Variants in LRRC49 observed in about 807,000 individuals in gnomAD.
LRRC49 encodes leucine-rich repeat-containing protein 49.
Under a neutral mutation model 83.3 loss-of-function variants are expected in LRRC49, and 50 were observed. That is an observed-to-expected ratio of 0.60 (90% CI 0.48 to 0.76). The LOEUF is 0.76. Among genes scored for constraint, LRRC49 ranks in the 30% least tolerant of loss-of-function variants. LRRC49 has a pLI of 0.00. For missense variants in LRRC49, 704 were observed against 809.1 expected (o/e 0.87, Z 1.58); for synonymous variants, 286 against 283.3 (o/e 1.01, Z -0.10).
intron 11 of LRRC49, among the ~76,000 whole-genome samples, chr15:71,001,674 A>G (rs1036059765): frequency 6.6e-6 from 1 of 151,288 alleles, no homozygotes; most frequent in African/African-American, 2.4e-5. Flanking sequence ...TTTTAAACAC[A>G]TGTGCTTAGT....
chr15:71,001,730 C>G (rs981860342), intron 11 of LRRC49, among the ~76,000 whole-genome samples: 3 of 151,912 alleles, frequency 2.0e-5, no homozygotes, highest in Admixed American at 6.6e-5. Flanking sequence ...CACGCTCTGT[C>G]CCCCAGGCTG....
chr15:70,898,232 A>G lies in LRRC49; in HGVS notation c.193+2296A>G, dbSNP rs989228809. The G allele has an allele frequency of 6.6e-5, 38 of 573,524 alleles. No homozygotes were observed. In the Admixed American group the frequency reaches 1.1e-3, roughly 17 times the overall value. 35.5% of individuals were successfully genotyped at this position (573,524 alleles called of 1,614,324 possible). The stretch of plus-strand genomic sequence containing the variant: ...ACATTCTTACCAAATTTAGACCATT[A>G]TACTTCTTAACACTTTGAGATGCTA... On this transcript the variant is annotated intron_variant, in intron 3 of 15. Coordinates refer to ENST00000260382, the MANE Select transcript of LRRC49 (RefSeq NM_017691.5).
intron 9 of LRRC49, among the ~76,000 whole-genome samples, chr15:70,968,667 T>G (rs967111395): frequency 3.3e-5 from 5 of 152,178 alleles, no homozygotes; most frequent in African/African-American, 1.2e-4. Flanking sequence ...TTTTGAATGA[T>G]CACCATTCTA....
chr15:71,049,501 G>A lies in LRRC49; in HGVS notation c.1950G>A (p.Gln650=). 1.2e-6 allele frequency: 2 copies of A among 1,613,784 alleles called. No homozygotes were observed. The highest frequency in any genetic ancestry group is 1.7e-6 in the Non-Finnish European group (2 of 1,179,702). The part of the protein sequence containing the change: ...TEINMKNEAL[Q]KLWPQMFIEL... ...TCAACATGAAAAATGAGGCTTTGCA[G>A]AAGCTTTGGCCACAGATGTTCATTG... Residue 650 remains glutamine (Q), a synonymous_variant, in exon 16 of 16, where the codon CAG becomes CAA. Transcript: ENST00000260382.
intron 4 of LRRC49, among the ~76,000 whole-genome samples, chr15:70,903,912 T>C (rs1401078907): frequency 6.6e-6 from 1 of 152,216 alleles, no homozygotes; most frequent in Non-Finnish European, 1.5e-5. Context: ...TGTAGCACTC[T>C]AAATGTTCTG....
chr15:70,892,713 C>T, upstream of LRRC49: 2 of 1,473,976 alleles, frequency 1.4e-6, no homozygotes, highest in South Asian at 2.8e-5. Flanking sequence ...ACGAATACAA[C>T]TAGAAGCTGC....
chr15:70,957,124 C>T (rs2036430104), intron 8 of LRRC49, among the ~76,000 whole-genome samples: 1 of 152,160 alleles, frequency 6.6e-6, no homozygotes, highest in Non-Finnish European at 1.5e-5. Flanking sequence ...TGTGACACCA[C>T]CCATTCTTAG....
chr15:70,892,169 C>T (rs560972205), upstream of LRRC49: 4 of 1,611,928 alleles, frequency 2.5e-6, no homozygotes, highest in South Asian at 4.4e-5. Context: ...CCGCACGAAG[C>T]GGTCCCAGAG....
At chr15:70,945,414 C>T (rs1479237668) in intron 8 of LRRC49, among the ~76,000 whole-genome samples, 1 of 152,048 alleles carries the variant, frequency 6.6e-6, no homozygotes, top group African/African-American at 2.4e-5. Context: ...ACCAGATTTT[C>T]AAATTGTCAT....
intron 15 of LRRC49, among the ~76,000 whole-genome samples, chr15:71,045,874 T>C (rs933341051): frequency 2.0e-5 from 3 of 152,108 alleles, no homozygotes; most frequent in African/African-American, 7.2e-5. Flanking sequence ...GTTGTTCCCA[T>C]ATTTATGTTG....
intron 11 of LRRC49, among the ~76,000 whole-genome samples, chr15:71,004,055 T>C (rs1363833338): frequency 2.0e-5 from 3 of 152,242 alleles, no homozygotes; most frequent in Admixed American, 2.0e-4. Flanking sequence ...GATCCATGCA[T>C]GATACTTTGG....
intron 8 of LRRC49, among the ~76,000 whole-genome samples, chr15:70,951,990 T>C (rs993522062): frequency 1.2e-4 from 18 of 152,182 alleles, no homozygotes; most frequent in Non-Finnish European, 2.2e-4. Flanking sequence ...ATGAATTTTT[T>C]TGAAGGCCTT....
intron 2 of LRRC49, among the ~76,000 whole-genome samples, chr15:70,883,089 G>T (rs951393516): frequency 6.6e-6 from 1 of 151,968 alleles, no homozygotes; most frequent in South Asian, 2.1e-4. Flanking sequence ...CTGCCATATT[G>T]TCTTTTTTCC....
intron 8 of LRRC49, among the ~76,000 whole-genome samples, chr15:70,956,576 G>A (rs2141187392): frequency 6.7e-6 from 1 of 148,996 alleles, no homozygotes; most frequent in Non-Finnish European, 1.5e-5. Flanking sequence ...TATACTTACT[G>A]TTTTATTTCC....
intron 11 of LRRC49, among the ~76,000 whole-genome samples, chr15:71,007,453 T>C (rs895354545): frequency 6.6e-6 from 1 of 151,780 alleles, no homozygotes; most frequent in Non-Finnish European, 1.5e-5. Context: ...GAGACACTAA[T>C]TTTAGTAGGG....
chr15:70,904,585 G>A lies in LRRC49; in HGVS notation c.330G>A (p.Gly110=). Residue 110 remains glycine (G), a synonymous_variant, in exon 5 of 16, where the codon GGG becomes GGA. Transcript: ENST00000260382. ...QKLTVCPIIN[G]EDHLRLLNFQ... is the part of the protein sequence containing the mutation. ...TGACCGTATGTCCTATCATCAATGG[G>A]GAAGACCACCTTCGTTTGTTGAACT... The A allele has an allele frequency of 6.2e-7, 1 of 1,613,444 alleles. No individual in the cohort carries two copies. Among genetic ancestry groups the A allele is most frequent in the East Asian group, 2.2e-5 (1 of 44,842 alleles).
chr15:70,928,175 T>A (rs185075986), intron 7 of LRRC49, among the ~76,000 whole-genome samples: 1 of 152,316 alleles, frequency 6.6e-6, no homozygotes, highest in African/African-American at 2.4e-5. Context: ...ATATACCAGA[T>A]CCAGTCACAT....
intron 9 of LRRC49, among the ~76,000 whole-genome samples, chr15:70,971,569 G>GT (rs2037000774): frequency 6.6e-6 from 1 of 152,120 alleles, no homozygotes; most frequent in Non-Finnish European, 1.5e-5. Context: ...ACAGTGGGGT[G>GT]TTAAAATCTC....
rs190339170 is a variant in LRRC49, at chr15:70,873,009, C to T, written c.-197C>T. 1.9e-4 allele frequency: 111 copies of T among 580,158 alleles called. 1 individual carries two copies. Among genetic ancestry groups the T allele is most frequent in the African/African-American group, 1.7e-3 (91 of 53,560 alleles). 35.9% of individuals were successfully genotyped at this position (580,158 alleles called of 1,614,324 possible). A position where few individuals can be genotyped will look rare whatever the true frequency, so the allele number is the denominator to read the frequency against. On this transcript the variant is annotated 5_prime_UTR_variant, in exon 2 of 17. Coordinates refer to the LRRC49 transcript ENST00000544974. ...CAAGCAATTCTCTGCCTCAGCATCC[C>T]GAGTAGCTGGGATTATAGGTGCCCG... is the stretch of plus-strand genomic sequence containing the variant.
Sources: allele counts gnomAD v4.1 joint callset (sites outside exome capture counted in the v4.1 genomes callset), GRCh38; gene constraint gnomAD v4.1.1; transcripts MANE v1.5; gene names NCBI Gene and HGNC (gene_info 2026-07-23, HGNC 2026-07-21).